Variants in STT3B observed in about 807,000 individuals in gnomAD.
STT3B encodes STT3 oligosaccharyltransferase complex catalytic subunit B.
STT3B carries 29 observed loss-of-function variants against 96.8 expected under a neutral mutation model. The ratio of observed to expected loss-of-function variants is 0.30; its 90% CI spans 0.22 to 0.41. STT3B has a LOEUF of 0.41. STT3B is among the 10% of genes least tolerant of loss of function. The probability of loss-of-function intolerance (pLI) is 1.00; values close to 1 mark genes in which losing one functional copy is unlikely to be tolerated. For synonymous variants in STT3B, 367 were observed against 360.0 expected, an observed-to-expected ratio of 1.02 and a Z score of -0.22; for missense variants, 640 against 1,022.3, an observed-to-expected ratio of 0.63 and a Z score of 5.10.
At chr3:31,533,480 G>T (rs1696997539) in intron 1 of STT3B, 168 bp downstream of exon 1, 2 of 845,882 alleles carry the variant, frequency 2.4e-6, no homozygotes. Context: ...CCCCCTGCCC[G>T]TGGGCGAAGT....
intron 3 of STT3B, among the ~76,000 whole-genome samples, chr3:31,592,112 ATC>A (rs911972206): frequency 2.0e-4 from 31 of 152,250 alleles, no homozygotes; most frequent in Middle Eastern, 3.4e-3. Context: ...ATTAAACAAT[ATC>A]TCTCCTTTCC....
intron 14 of STT3B, among the ~76,000 whole-genome samples, chr3:31,631,767 G>A (rs1427679261): frequency 2.0e-5 from 3 of 150,982 alleles, no homozygotes; most frequent in East Asian, 1.9e-4. Flanking sequence ...CCAAGATGGC[G>A]AAACCCAGTC....
At chr3:31,622,370 G>A (rs1699449252) in intron 10 of STT3B, 62 bp downstream of exon 10, 2 of 1,351,348 alleles carry the variant, frequency 1.5e-6, no homozygotes, top group Non-Finnish European at 2.1e-6. Context: ...TTCCACCACA[G>A]TAAGAACTAT....
chr3:31,627,713 A>G (rs1468063442), intron 13 of STT3B, among the ~76,000 whole-genome samples: 2 of 152,168 alleles, frequency 1.3e-5, no homozygotes, highest in African/African-American at 2.4e-5. Context: ...ATTTTTTTGT[A>G]TTAATCTTCT....
At chr3:31,569,222 G>A (rs1036927779) in intron 1 of STT3B, among the ~76,000 whole-genome samples, 5 of 152,004 alleles carry the variant, frequency 3.3e-5, no homozygotes, top group African/African-American at 1.2e-4. Context: ...GAACTCCTGG[G>A]CTCAAGCAAT....
chr3:31,539,336 TA>T (rs1248288138), intron 1 of STT3B, among the ~76,000 whole-genome samples: 4 of 152,174 alleles, frequency 2.6e-5, no homozygotes, highest in Admixed American at 2.0e-4. Flanking sequence ...TTCTAAATGA[TA>T]GTAGATGCTT....
Position 31,532,981 on chromosome 3 carries a change from C to A in STT3B, c.-18C>A. 6.3e-7 allele frequency: 1 copy of A among 1,581,132 alleles called. No homozygotes were observed. The highest frequency in any genetic ancestry group is 8.6e-7 in the Non-Finnish European group (1 of 1,165,772). ...CGGCGGCGGAGGAGGAGAGCTAGACCCGCCGCCGGGGCACAACATGGCGGA... is the reference window on the plus strand; with the variant it reads ...CGGCGGCGGAGGAGGAGAGCTAGACACGCCGCCGGGGCACAACATGGCGGA... On this transcript the variant is annotated 5_prime_UTR_variant, in exon 1 of 16. Coordinates refer to ENST00000295770, the MANE Select transcript of STT3B (RefSeq NM_178862.3).
intron 4 of STT3B, among the ~76,000 whole-genome samples, chr3:31,597,575 G>C (rs901517957): frequency 1.3e-5 from 2 of 151,746 alleles, no homozygotes; most frequent in Admixed American, 6.6e-5. Context: ...TCCCACTTCA[G>C]CTTCCTGAGC....
chr3:31,574,865 C>T lies in STT3B; in HGVS notation c.315-1531C>T, dbSNP rs188730918. Among the ~76,000 whole-genome samples, 45 of 152,078 alleles carry T rather than the reference C, an allele frequency of 3.0e-4. No individual in the cohort carries two copies. In the South Asian group the frequency reaches 6.4e-3, roughly 22 times the overall value. On this transcript the variant is annotated intron_variant, in intron 1 of 15. Coordinates refer to ENST00000295770, the MANE Select transcript of STT3B (RefSeq NM_178862.3). The stretch of plus-strand genomic sequence containing the variant: ...TGAAATGTATTGGGATGTGTATGCT[C>T]TGCGGAAAAAAAATTTTTGTTTTAT...
chr3:31,546,167 TCA>T (rs764308444), intron 1 of STT3B, among the ~76,000 whole-genome samples: 3 of 152,182 alleles, frequency 2.0e-5, no homozygotes, highest in Non-Finnish European at 4.4e-5. Context: ...AAAATATGCT[TCA>T]GTTATTTATG....
chr3:31,622,404 T>G, intron 10 of STT3B, 96 bp downstream of exon 10: 2 of 1,087,238 alleles, frequency 1.8e-6, no homozygotes, highest in Non-Finnish European at 2.7e-6. Flanking sequence ...TGTTATTAAA[T>G]GATGATTTGG....
intron 5 of STT3B, among the ~76,000 whole-genome samples, chr3:31,613,291 G>T (rs1699226289): frequency 6.6e-6 from 1 of 152,084 alleles, no homozygotes; most frequent in South Asian, 2.1e-4. Flanking sequence ...CTGTGGCAGT[G>T]TTACAGCATT....
chr3:31,543,612 C>A (rs180983741), intron 1 of STT3B, among the ~76,000 whole-genome samples: 4 of 152,156 alleles, frequency 2.6e-5, no homozygotes, highest in African/African-American at 9.7e-5. Flanking sequence ...TCAGTAAGAT[C>A]ACATGTGCAG....
At chr3:31,593,005 G>T (rs1024641833) in intron 3 of STT3B, among the ~76,000 whole-genome samples, 1 of 152,120 alleles carries the variant, frequency 6.6e-6, no homozygotes, top group African/African-American at 2.4e-5. Flanking sequence ...TGAGCAGAGT[G>T]CAGAACCTCA....
At chr3:31,582,714 T>A (rs1018453476) in intron 3 of STT3B, among the ~76,000 whole-genome samples, 2 of 152,288 alleles carry the variant, frequency 1.3e-5, no homozygotes, top group Non-Finnish European at 2.9e-5. Context: ...TAGTACTACT[T>A]TGACGGTGTC....
chr3:31,545,547 A>G (rs1697385802), intron 1 of STT3B, among the ~76,000 whole-genome samples: 1 of 152,320 alleles, frequency 6.6e-6, no homozygotes, highest in South Asian at 2.1e-4. Flanking sequence ...TTAATGATAA[A>G]TACTTGTGAA....
chr3:31,623,736 T>C lies in STT3B; in HGVS notation c.1602T>C (p.Asn534=), dbSNP rs777374547. 2 of 1,614,020 alleles carry C rather than the reference T, an allele frequency of 1.2e-6. No individual in the cohort carries two copies. The highest frequency in any genetic ancestry group is 1.7e-6 in the Non-Finnish European group (2 of 1,179,900). The change falls in exon 11 of 16, where the codon AAT becomes AAC. Residue 534 remains asparagine, a synonymous_variant. Coordinates refer to ENST00000295770, the MANE Select transcript of STT3B (RefSeq NM_178862.3). ...AAACTGAAGAGGGATTAGGCCCTAA[T>C]ATAAAAAGCATTGTCACCATGTTGA... ...QEKTEEGLGP[N]IKSIVTMLML...
chr3:31,635,383 ATTG>A (rs1407668424), intron 15 of STT3B, among the ~76,000 whole-genome samples: 1 of 152,198 alleles, frequency 6.6e-6, no homozygotes, highest in Non-Finnish European at 1.5e-5. Flanking sequence ...GGGATACTGA[ATTG>A]TTAAGAAAAA....
rs776991914 is a variant in STT3B at position 31,633,002 on chromosome 3, A to T, written c.2255A>T (p.Lys752Ile). 1 of 1,614,152 alleles carries T rather than the reference A, an allele frequency of 6.2e-7. No homozygotes were observed. Residue 752 changes from lysine (K) to isoleucine (I), a missense_variant, in exon 15 of 16, where the codon AAA (lysine) becomes ATA (isoleucine). This residue lies in a region of STT3B where 40 missense variants were observed against 122.2 expected (regional missense o/e 0.33). Coordinates refer to ENST00000295770, the MANE Select transcript of STT3B (RefSeq NM_178862.3). ...GCTGAGATTGGAAATAAGGACATTA[A>T]ATTCAAACATTTGGAAGAAGCCTTT... The part of the protein sequence containing the change: ...RNAEIGNKDI[K>I]FKHLEEAFTS...
Sources: gnomAD v4.1 joint callset for allele counts (sites outside exome capture counted in the v4.1 genomes callset) on GRCh38, gnomAD v4.1.1 for gene constraint, gnomAD v4.1.1 regional missense constraint, MANE v1.5 for transcripts, NCBI Gene and HGNC (gene_info 2026-07-23, HGNC 2026-07-21) for gene names.